The following GALM variants were observed in gnomAD, a reference collection of about 807,000 sequenced individuals.
GALM encodes aldose 1-epimerase.
GALM carries 43 observed loss-of-function variants against 37.4 expected under a neutral mutation model. The observed-to-expected ratio is 1.15, with a 90% CI of 0.90 to 1.48. The LOEUF (loss-of-function observed/expected upper bound fraction) is 1.48. Ranked by LOEUF, GALM falls within the 40% of genes most tolerant of loss-of-function variation. The probability of loss-of-function intolerance (pLI) is 0.00; values close to 1 mark genes in which losing one functional copy is unlikely to be tolerated. For synonymous variants in GALM, 199 were observed against 170.6 expected (o/e 1.17, Z -1.30); for missense variants, 456 against 419.1 (o/e 1.09, Z -0.77).
chr2:38,674,332 G>A (rs1207243994), intron 1 of GALM, among the ~76,000 whole-genome samples: 2 of 151,998 alleles, frequency 1.3e-5, no homozygotes, highest in Non-Finnish European at 2.9e-5. Flanking sequence ...TGGGACTACA[G>A]GCACAGGCCA....
intron 2 of GALM, among the ~76,000 whole-genome samples, chr2:38,679,662 A>G (rs1665348328): frequency 6.6e-6 from 1 of 152,192 alleles, no homozygotes; most frequent in Non-Finnish European, 1.5e-5. Context: ...GGCACTGGGA[A>G]TCTCTGGCCA....
Position 38,675,994 on chromosome 2 carries a change from T to C in GALM, c.273T>C (p.Asp91=). The change falls in exon 2 of 7, where the codon GAT becomes GAC. Residue 91 remains aspartate (D), a synonymous_variant. Transcript: ENST00000272252. ...NRIAKGTFKV[D]GKEYHLAINK... ...TCGCCAAAGGAACCTTCAAGGTGGA[T>C]GGGAAGGAGTATCACCTGGCCATTA... The C allele has an allele frequency of 6.2e-7, 1 of 1,613,982 alleles. No homozygotes were observed. The highest frequency in any genetic ancestry group is 1.1e-5 in the South Asian group (1 of 91,072).
intron 4 of GALM, among the ~76,000 whole-genome samples, chr2:38,691,328 A>C (rs1251742480): frequency 6.6e-6 from 1 of 152,246 alleles, no homozygotes; most frequent in African/African-American, 2.4e-5. Flanking sequence ...ACTTGATTGT[A>C]AAAAATCATT....
At chr2:38,732,342 G>C (rs1411987781) in intron 6 of GALM, among the ~76,000 whole-genome samples, 2 of 152,202 alleles carry the variant, frequency 1.3e-5, no homozygotes, top group Non-Finnish European at 2.9e-5. Context: ...ATAGGCGTGA[G>C]CCACTGTGCC....
intron 6 of GALM, among the ~76,000 whole-genome samples, chr2:38,732,333 T>C (rs1021239444): frequency 2.0e-5 from 3 of 152,176 alleles, no homozygotes; most frequent in South Asian, 2.1e-4. Flanking sequence ...GCTAGGATTA[T>C]AGGCGTGAGC....
intron 4 of GALM, among the ~76,000 whole-genome samples, chr2:38,694,912 A>AAAG (rs1558585674): frequency 6.9e-6 from 1 of 145,786 alleles, no homozygotes; most frequent in Non-Finnish European, 1.5e-5. Context: ...AAAAAAAAAA[A>AAAG]CAAAAAAAGA....
chr2:38,702,697 C>T (rs1665943497), intron 4 of GALM, among the ~76,000 whole-genome samples: 2 of 151,990 alleles, frequency 1.3e-5, no homozygotes, highest in African/African-American at 4.8e-5. Flanking sequence ...GATTTAGTCA[C>T]AGATCCAAAG....
intron 6 of GALM, 39 bp downstream of exon 6, chr2:38,731,948 C>G (rs1222239486): frequency 6.5e-7 from 1 of 1,535,804 alleles, no homozygotes; most frequent in South Asian, 1.1e-5. Context: ...AGAGTTGTGT[C>G]CAAGGTCACA....
intron 5 of GALM, among the ~76,000 whole-genome samples, chr2:38,731,325 A>T (rs1666603959): frequency 7.2e-6 from 1 of 137,994 alleles, no homozygotes; most frequent in African/African-American, 2.8e-5. Flanking sequence ...TGAGCCCGGG[A>T]GGCTGAGGTT....
At chr2:38,719,753 G>A (rs1241907664) in intron 4 of GALM, among the ~76,000 whole-genome samples, 2 of 134,484 alleles carry the variant, frequency 1.5e-5, no homozygotes, top group Admixed American at 1.7e-4. Context: ...CAGCCTGGTC[G>A]ACAAGAACGA....
chr2:38,689,332 T>C (rs17023045), intron 3 of GALM, among the ~76,000 whole-genome samples: 3,611 of 152,246 alleles, frequency 0.024, 134 homozygotes, highest in African/African-American at 0.082. Flanking sequence ...ACACCTGGGC[T>C]TCTGTCATGG....
intron 3 of GALM, among the ~76,000 whole-genome samples, chr2:38,687,740 T>C (rs1248631147): frequency 6.6e-6 from 1 of 152,000 alleles, no homozygotes; most frequent in East Asian, 1.9e-4. Context: ...ATCGTAGTTT[T>C]TCAGAAAAAG....
intron 4 of GALM, among the ~76,000 whole-genome samples, chr2:38,696,097 A>G (rs1373575638): frequency 1.3e-5 from 2 of 151,790 alleles, no homozygotes; most frequent in Non-Finnish European, 2.9e-5. Flanking sequence ...TATTGTCACT[A>G]TAACAGTAAA....
intron 3 of GALM, among the ~76,000 whole-genome samples, chr2:38,684,379 C>T (rs1054879530): frequency 1.3e-5 from 2 of 150,084 alleles, no homozygotes; most frequent in African/African-American, 4.9e-5. Flanking sequence ...TTTATTGAAA[C>T]TTTACCTAAA....
At chr2:38,707,630 G>A (rs1337806357) in intron 4 of GALM, among the ~76,000 whole-genome samples, 4 of 152,144 alleles carry the variant, frequency 2.6e-5, no homozygotes, top group Non-Finnish European at 5.9e-5. Flanking sequence ...GACAAAAAGT[G>A]AGGAAAGATT....
intron 4 of GALM, among the ~76,000 whole-genome samples, chr2:38,696,818 CT>C (rs1269610009): frequency 1.9e-5 from 2 of 106,796 alleles, no homozygotes; most frequent in Non-Finnish European, 3.4e-5. Flanking sequence ...GAGACAGAGT[CT>C]TGCTCTGTCA....
chr2:38,672,005 CA>C lies in GALM; in HGVS notation c.191-3899del, dbSNP rs534598505. On this transcript the variant is annotated intron_variant, in intron 1 of 6. Coordinates refer to ENST00000272252, the MANE Select transcript of GALM (RefSeq NM_138801.3). ...TGTCTCAAAAAAACAAAAACAAAAA[CA>C]AAAAAAACCCTGATAATTATGGGGA... 5.7e-3 allele frequency among the ~76,000 whole-genome samples: 866 copies of C among 150,706 alleles called. 7 individuals carry two copies. Among genetic ancestry groups the C allele is most frequent in the African/African-American group, 0.02 (815 of 41,012 alleles).
At chr2:38,699,362 A>G (rs1162783187) in intron 4 of GALM, among the ~76,000 whole-genome samples, 1 of 152,262 alleles carries the variant, frequency 6.6e-6, no homozygotes, top group African/African-American at 2.4e-5. Context: ...TAGCATATCC[A>G]TCACCTCAAA....
intron 5 of GALM, among the ~76,000 whole-genome samples, chr2:38,730,011 T>C (rs1049664853): frequency 5.3e-4 from 80 of 152,294 alleles, no homozygotes; most frequent in African/African-American, 1.9e-3. Flanking sequence ...GTCACTGAAC[T>C]TCCAGAGCCT....
Sources: gnomAD v4.1 joint callset for allele counts (sites outside exome capture counted in the v4.1 genomes callset) on GRCh38, gnomAD v4.1.1 for gene constraint, MANE v1.5 for transcripts, NCBI Gene and HGNC (gene_info 2026-07-23, HGNC 2026-07-21) for gene names.